CAMK2A: variants seen among roughly 807,000 people sequenced by gnomAD.
The protein encoded by CAMK2A is calcium/calmodulin-dependent protein kinase type II subunit alpha.
CAMK2A carries 7 observed loss-of-function variants against 79.2 expected under a neutral mutation model. That is an observed-to-expected ratio of 0.09 (90% CI 0.05 to 0.17). The LOEUF (loss-of-function observed/expected upper bound fraction) is 0.17, where lower values mean the gene tolerates loss of function less well. CAMK2A is among the 10% of genes least tolerant of loss of function. The pLI is 1.00. For missense variants in CAMK2A, 214 were observed against 646.4 expected (o/e 0.33, Z 7.25); for synonymous variants, 242 against 251.7 (o/e 0.96, Z 0.36).
In CAMK2A at chr5:150,222,677, G is replaced by T; in HGVS notation, c.*33C>A. The T allele has an allele frequency of 6.2e-7, 1 of 1,613,106 alleles. No individual in the cohort carries two copies. Among genetic ancestry groups the T allele is most frequent in the Non-Finnish European group, 8.5e-7 (1 of 1,179,198 alleles). ...CTCCACGGACAGAGTGGATCTCTGC[G>T]GCACAGCAACGCAGCGACCCCAGCC... On this transcript the variant is annotated 3_prime_UTR_variant, in exon 19 of 19. Coordinates refer to ENST00000671881, the MANE Select transcript of CAMK2A (RefSeq NM_015981.4).
At position 150,221,195 on chromosome 5, in the gene CAMK2A, C is replaced by G. The variant is rs1215504183; in HGVS notation, c.*1515G>C. 1 of 373,632 alleles carries G rather than the reference C, an allele frequency of 2.7e-6. No homozygotes were observed. Among genetic ancestry groups the G allele is most frequent in the Non-Finnish European group, 4.7e-6 (1 of 210,808 alleles). 23.1% of individuals were successfully genotyped at this position (373,632 alleles called of 1,614,324 possible). A position where few individuals can be genotyped will look rare whatever the true frequency, so the allele number is the denominator to read the frequency against. ...CTTCTTTTTGTTTGTTTTCAACATA[C>G]TTACTGCGTATAAAGTCATGCAAAG... On this transcript the variant is annotated 3_prime_UTR_variant, in exon 19 of 19. Transcript: ENST00000671881.
At position 150,245,338 on chromosome 5, in the gene CAMK2A, G is replaced by GCCTCCTCCT. The variant is rs34649296; in HGVS notation, c.944-146_944-138dup. Reference sequence around the variant, plus strand: ...AGCTGGCCCAGCGATCCTGGGGGAGGCCTCCTCCTCCTCCTCCTCCTCCTC... The same window carrying GCCTCCTCCT: ...AGCTGGCCCAGCGATCCTGGGGGAGGCCTCCTCCTCCTCCTCCTCCTCCTCCTCCTCCTC... On this transcript the variant is annotated intron_variant, in intron 12 of 18. Coordinates refer to ENST00000671881, the MANE Select transcript of CAMK2A (RefSeq NM_015981.4). The GCCTCCTCCT allele has an allele frequency of 1.4e-3, 945 of 659,214 alleles. 4 individuals carry two copies. Among genetic ancestry groups the GCCTCCTCCT allele is most frequent in the African/African-American group, 4.7e-3 (242 of 51,548 alleles). The allele number at this position is 659,214 out of a possible 1,614,324, so 40.8% of individuals were successfully genotyped here.
rs921068665 is a variant in CAMK2A, at chr5:150,221,663, C to G, written c.*1047G>C. Reference sequence around the variant, plus strand: ...CGCCTGTGTCAGCTCACCTTGGGACCGAAATGGCAGAGAGGCCCTTCTCCC... The same window carrying G: ...CGCCTGTGTCAGCTCACCTTGGGACGGAAATGGCAGAGAGGCCCTTCTCCC... On this transcript the variant is annotated 3_prime_UTR_variant, in exon 19 of 19. Transcript: ENST00000671881. 1.8e-5 allele frequency: 7 copies of G among 397,308 alleles called. No homozygotes were observed. Among genetic ancestry groups the G allele is most frequent in the Non-Finnish European group, 2.2e-5 (5 of 225,686 alleles). 24.6% of individuals were successfully genotyped at this position (397,308 alleles called of 1,614,324 possible).
chr5:150,254,667 A>G lies in CAMK2A; in HGVS notation c.412-1121T>C, dbSNP rs115520057. On this transcript the variant is annotated intron_variant, in intron 6 of 18. Coordinates refer to ENST00000671881, the MANE Select transcript of CAMK2A (RefSeq NM_015981.4). ...AGACTCAGGATGGAGGGGCGCTAAGACTGTGGGCTCGCTTAGATAGTCCCA... is the reference window on the plus strand; with the variant it reads ...AGACTCAGGATGGAGGGGCGCTAAGGCTGTGGGCTCGCTTAGATAGTCCCA... 8.5e-3 allele frequency among the ~76,000 whole-genome samples: 1,289 copies of G among 152,156 alleles called. 24 individuals are homozygous for G. Among genetic ancestry groups the G allele is most frequent in the African/African-American group, 0.03 (1,244 of 41,498 alleles).
intron 13 of CAMK2A, among the ~76,000 whole-genome samples, 194 bp downstream of exon 13, chr5:150,244,967 C>T (rs571421476): frequency 3.9e-5 from 6 of 152,252 alleles, no homozygotes; most frequent in Non-Finnish European, 7.4e-5. Context: ...CATCTGCCCC[C>T]CAACAGTCAC....
Position 150,285,311 on chromosome 5 carries a change from T to A in CAMK2A, c.62+4253A>T, listed in dbSNP as rs548980556. Among the ~76,000 whole-genome samples the A allele has an allele frequency of 4.1e-4, 63 of 152,210 alleles. No individual in the cohort carries two copies. The South Asian group carries it at 0.011, about 26-fold the overall frequency. On this transcript the variant is annotated intron_variant, in intron 1 of 18. Coordinates refer to ENST00000671881, the MANE Select transcript of CAMK2A (RefSeq NM_015981.4). ...CTGCCCAGCTCCTTCAGAGATGAGC[T>A]CATGGATGAAAAGCCTTGCCGGCCC...
intron 12 of CAMK2A, among the ~76,000 whole-genome samples, chr5:150,246,907 CCAGT>C (rs749012062): frequency 6.6e-6 from 1 of 152,264 alleles, no homozygotes; most frequent in African/African-American, 2.4e-5. Context: ...GGCCCCAGCC[CCAGT>C]CAGAGGGCCC....
In CAMK2A at chr5:150,256,940, G is replaced by T; in HGVS notation, c.273-109C>A. ...GGGGCCCAGGGACCTCAGGACCTCA[G>T]CCACAAAAGGAGGGGCCCCAGGGTC... On this transcript the variant is annotated intron_variant, in intron 4 of 18. Transcript: ENST00000671881. This position sits in a 1 kb window ranked among gnomAD's most constrained non-coding sequence, Gnocchi z 4.6. The T allele has an allele frequency of 1.1e-6, 1 of 903,592 alleles. No individual in the cohort carries two copies. The highest frequency in any genetic ancestry group is 1.7e-6 in the Non-Finnish European group (1 of 597,626). The allele number at this position is 903,592 out of a possible 1,614,324, so 56.0% of individuals were successfully genotyped here. A position where few individuals can be genotyped will look rare whatever the true frequency, so the allele number is the denominator to read the frequency against.
In CAMK2A at chr5:150,241,213, G is replaced by A. The variant is rs116802630; in HGVS notation, c.985-1477C>T. Among the ~76,000 whole-genome samples, 561 of 152,320 alleles carry A rather than the reference G, an allele frequency of 3.7e-3. 2 individuals are homozygous for A. Among genetic ancestry groups the A allele is most frequent in the African/African-American group, 0.013 (531 of 41,570 alleles). On this transcript the variant is annotated intron_variant, in intron 13 of 18. Coordinates refer to ENST00000671881, the MANE Select transcript of CAMK2A (RefSeq NM_015981.4). ...CACTTCCAATGCCCGTGTGCTCACAGGGGCATAAATGCTCACAGACCCTGC... is the reference window on the plus strand; with the variant it reads ...CACTTCCAATGCCCGTGTGCTCACAAGGGCATAAATGCTCACAGACCCTGC...
chr5:150,246,052 G>A (rs911686222), intron 12 of CAMK2A, among the ~76,000 whole-genome samples: 5 of 152,240 alleles, frequency 3.3e-5, no homozygotes, highest in African/African-American at 9.6e-5. Context: ...CCCATAAGCC[G>A]CACATGCTCA....
At chr5:150,247,942 C>T in intron 11 of CAMK2A, 128 bp from the exon 12 acceptor site, 1 of 729,464 alleles carries the variant, frequency 1.4e-6, no homozygotes, top group Non-Finnish European at 2.3e-6. Context: ...GCCAAAGCCT[C>T]TGCCCTGCCC....
chr5:150,238,647 C>A (rs1008561129), intron 15 of CAMK2A, 53 bp downstream of exon 15: 6 of 1,526,352 alleles, frequency 3.9e-6, no homozygotes, highest in Admixed American at 3.7e-5. Flanking sequence ...GAGGTCTGCT[C>A]AGAGCTGGTT....
intron 1 of CAMK2A, among the ~76,000 whole-genome samples, chr5:150,283,936 C>A (rs941995778): frequency 4.6e-5 from 7 of 152,182 alleles, no homozygotes; most frequent in African/African-American, 1.4e-4. Context: ...GTCTCACTGG[C>A]CTTAGAGTCC....
intron 1 of CAMK2A, among the ~76,000 whole-genome samples, chr5:150,274,087 G>A (rs1756859071): frequency 6.6e-6 from 1 of 152,212 alleles, no homozygotes; most frequent in Non-Finnish European, 1.5e-5. Context: ...TCAACACAGT[G>A]TATTATCAAA....
intron 3 of CAMK2A, among the ~76,000 whole-genome samples, chr5:150,263,953 A>G (rs1348321147): frequency 6.6e-6 from 1 of 152,176 alleles, no homozygotes; most frequent in East Asian, 1.9e-4. Context: ...CCTTCTGGGT[A>G]TAAATAGCAG....
chr5:150,265,275 G>T (rs994805320), intron 2 of CAMK2A: 6 of 461,734 alleles, frequency 1.3e-5, no homozygotes, highest in African/African-American at 9.9e-5. Flanking sequence ...TAAATGTGAG[G>T]CTTCTCCGAG....
Position 150,256,668 on chromosome 5 carries a change from G to T in CAMK2A, c.339-23C>A, listed in dbSNP as rs1269023358. 1 of 1,611,946 alleles carries T rather than the reference G, an allele frequency of 6.2e-7. No homozygotes were observed. Among genetic ancestry groups the T allele is most frequent in the Non-Finnish European group, 8.5e-7 (1 of 1,178,172 alleles). ...TGACTAGGGAGAGAGAGAGGAAGGG[G>T]TCATGGTGGTGTGAGCACAGGCCTC... On this transcript the variant is annotated intron_variant, in intron 5 of 18. Coordinates refer to ENST00000671881, the MANE Select transcript of CAMK2A (RefSeq NM_015981.4). This position sits in a 1 kb window ranked among gnomAD's most constrained non-coding sequence, Gnocchi z 4.6.
At chr5:150,244,418 G>T (rs1755471213) in intron 13 of CAMK2A, among the ~76,000 whole-genome samples, 1 of 152,260 alleles carries the variant, frequency 6.6e-6, no homozygotes, top group South Asian at 2.1e-4. Flanking sequence ...TCGCCAGGCA[G>T]GGCTCTGAGC....
chr5:150,222,522 G>T lies in CAMK2A; in HGVS notation c.*188C>A. 2 of 726,108 alleles carry T rather than the reference G, an allele frequency of 2.8e-6. No individual in the cohort carries two copies. The highest frequency in any genetic ancestry group is 4.9e-6 in the Non-Finnish European group (2 of 405,444). 45.0% of individuals were successfully genotyped at this position (726,108 alleles called of 1,614,324 possible). On this transcript the variant is annotated 3_prime_UTR_variant, in exon 19 of 19. Coordinates refer to ENST00000671881, the MANE Select transcript of CAMK2A (RefSeq NM_015981.4). ...GGGTGAGAGGTGGGGAGATGTGGCCGTTCGCTCTGAAGTTGCGATGACTTT... is the reference window on the plus strand; with the variant it reads ...GGGTGAGAGGTGGGGAGATGTGGCCTTTCGCTCTGAAGTTGCGATGACTTT...
Sources: allele counts gnomAD v4.1 joint callset (sites outside exome capture counted in the v4.1 genomes callset), GRCh38; gene constraint gnomAD v4.1.1; non-coding constraint Gnocchi (gnomAD v3.1); transcripts MANE v1.5; gene names NCBI Gene and HGNC (gene_info 2026-07-23, HGNC 2026-07-21).